The following C5orf24 variants were observed in gnomAD, a reference collection of about 807,000 sequenced individuals.
C5orf24 encodes the protein UPF0461 protein C5orf24.
C5orf24 carries 4 observed loss-of-function variants against 9.8 expected under a neutral mutation model. The observed-to-expected ratio is 0.41, with a 90% CI of 0.20 to 0.93. The LOEUF (loss-of-function observed/expected upper bound fraction) is 0.93. Among genes scored for constraint, C5orf24 ranks in the 40% least tolerant of loss-of-function variants. The pLI is 0.33. For synonymous variants in C5orf24, 73 were observed against 81.3 expected (o/e 0.90, Z 0.55); for missense variants, 170 against 236.9 (o/e 0.72, Z 1.85).
At chr5:134,837,752 C>A in the C5orf24 span, among the ~76,000 whole-genome samples, 70 of 151,498 alleles carry the variant, frequency 4.6e-4, no homozygotes, top group African/African-American at 1.6e-3. Context: ...CTTGGACTTT[C>A]CAGCTTCCAG....
chr5:134,836,716 A>G, the C5orf24 span, among the ~76,000 whole-genome samples: 1 of 147,996 alleles, frequency 6.8e-6, no homozygotes, highest in Non-Finnish European at 1.5e-5. Context: ...GCTTATTTTT[A>G]TATTTTTAGT....
In C5orf24 at chr5:134,858,663, T is replaced by C. The variant is rs921625633; in HGVS notation, c.*3196T>C. ...AAAAAGTACTTTAACATGCCTTATTTATTATATTAGCAAATGAGCTAATAA... is the reference window on the plus strand; with the variant it reads ...AAAAAGTACTTTAACATGCCTTATTCATTATATTAGCAAATGAGCTAATAA... On this transcript the variant is annotated 3_prime_UTR_variant, in exon 2 of 2. Coordinates refer to ENST00000394976, the MANE Select transcript of C5orf24 (RefSeq NM_001135586.1). 3.0e-5 allele frequency: 5 copies of C among 167,036 alleles called. No individual in the cohort carries two copies. Among genetic ancestry groups the C allele is most frequent in the African/African-American group, 1.2e-4 (5 of 41,466 alleles). 10.3% of individuals were successfully genotyped at this position (167,036 alleles called of 1,614,324 possible). A position where few individuals can be genotyped will look rare whatever the true frequency, so the allele number is the denominator to read the frequency against.
chr5:134,856,912 G>T lies in C5orf24; in HGVS notation c.*1445G>T, dbSNP rs1756329622. 1 of 1,001,342 alleles carries T rather than the reference G, an allele frequency of 1.0e-6. No homozygotes were observed. The allele number at this position is 1,001,342 out of a possible 1,614,324, so 62.0% of individuals were successfully genotyped here. ...TATGCATGAAACATGTAAAAAATAT[G>T]TTGGTTAGTTTAATTAAAAATCTTA... is the stretch of plus-strand genomic sequence containing the variant. On this transcript the variant is annotated 3_prime_UTR_variant, in exon 2 of 2. Transcript: ENST00000394976.
At chr5:134,853,666 A>T (rs1756228851) in intron 1 of C5orf24, among the ~76,000 whole-genome samples, 1 of 151,322 alleles carries the variant, frequency 6.6e-6, no homozygotes, top group South Asian at 2.1e-4. Flanking sequence ...GCCTGGCTGG[A>T]CTGTTCTTTA....
chr5:134,857,335 T>C lies in C5orf24; in HGVS notation c.*1868T>C, dbSNP rs1343950400. The C allele has an allele frequency of 6.5e-7, 1 of 1,544,534 alleles. No homozygotes were observed. Among genetic ancestry groups the C allele is most frequent in the Non-Finnish European group, 8.7e-7 (1 of 1,143,042 alleles). On this transcript the variant is annotated 3_prime_UTR_variant, in exon 2 of 2. Transcript: ENST00000394976. ...AAACTCTGATTGCAAATGGATGTCA[T>C]GTTTCATACCTTTTTTATCAGGAAA...
At chr5:134,847,005 T>G (rs893632621) in intron 1 of C5orf24, 2 of 152,214 alleles carry the variant, frequency 1.3e-5, no homozygotes, top group Non-Finnish European at 2.9e-5. Context: ...GAAAGGAAGC[T>G]TTCTCCATGT....
At chr5:134,836,773 A>T in the C5orf24 span, among the ~76,000 whole-genome samples, 255 of 148,762 alleles carry the variant, frequency 1.7e-3, 1 homozygote, top group African/African-American at 6.1e-3. Flanking sequence ...CGAACTCCTG[A>T]CCTCGTGATC....
rs552235496 is a variant in C5orf24, at chr5:134,858,456, A to T, written c.*2989A>T. 2 of 166,984 alleles carry T rather than the reference A, an allele frequency of 1.2e-5. No homozygotes were observed. Among genetic ancestry groups the T allele is most frequent in the African/African-American group, 4.8e-5 (2 of 41,478 alleles). The allele number at this position is 166,984 out of a possible 1,614,324, so 10.3% of individuals were successfully genotyped here. On this transcript the variant is annotated 3_prime_UTR_variant, in exon 2 of 2. Coordinates refer to ENST00000394976, the MANE Select transcript of C5orf24 (RefSeq NM_001135586.1). Reference sequence around the variant, plus strand: ...GTTAAACAGTTGCCTATACTTTAATATAATCAGTTGGGGAAAACTGGCCTT... The same window carrying T: ...GTTAAACAGTTGCCTATACTTTAATTTAATCAGTTGGGGAAAACTGGCCTT...
the C5orf24 span, among the ~76,000 whole-genome samples, chr5:134,835,067 G>A: frequency 7.3e-5 from 11 of 151,568 alleles, no homozygotes; most frequent in African/African-American, 1.9e-4. Flanking sequence ...ATTAGCCGGC[G>A]TGGTGGTGTG....
At position 134,855,722 on chromosome 5, in the gene C5orf24, T is replaced by C; in HGVS notation, c.*255T>C. ...AATCATTTTTCCTTTTCCTTTAGAG[T>C]TATGGTCATGTCTCATGTTTCATTA... On this transcript the variant is annotated 3_prime_UTR_variant, in exon 2 of 2. Coordinates refer to ENST00000394976, the MANE Select transcript of C5orf24 (RefSeq NM_001135586.1). 2.9e-6 allele frequency: 4 copies of C among 1,358,810 alleles called. No individual in the cohort carries two copies. The highest frequency in any genetic ancestry group is 2.9e-4 in the Middle Eastern group (1 of 3,498). 84.2% of individuals were successfully genotyped at this position (1,358,810 alleles called of 1,614,324 possible). A position where few individuals can be genotyped will look rare whatever the true frequency, so the allele number is the denominator to read the frequency against.
the C5orf24 span, among the ~76,000 whole-genome samples, chr5:134,839,751 G>A: frequency 4.7e-5 from 7 of 149,266 alleles, no homozygotes; most frequent in South Asian, 2.1e-4. Flanking sequence ...GTGCAATGGC[G>A]CAGTCTCAGC....
At chr5:134,842,392 A>C (rs1755907476), upstream of C5orf24, among the ~76,000 whole-genome samples, 1 of 151,866 alleles carries the variant, frequency 6.6e-6, no homozygotes, top group African/African-American at 2.4e-5. Flanking sequence ...CAGGAGGCTG[A>C]GGCAGGAGAA....
intron 1 of C5orf24, among the ~76,000 whole-genome samples, chr5:134,849,548 A>G (rs1756097203): frequency 6.6e-6 from 1 of 151,070 alleles, no homozygotes; most frequent in South Asian, 2.1e-4. Flanking sequence ...TTGTTTATTA[A>G]TTATTAAGTA....
At position 134,857,697 on chromosome 5, in the gene C5orf24, T is replaced by C; in HGVS notation, c.*2230T>C. The C allele has an allele frequency of 3.6e-6, 1 of 274,848 alleles. No individual in the cohort carries two copies. Among genetic ancestry groups the C allele is most frequent in the Non-Finnish European group, 7.1e-6 (1 of 140,188 alleles). The allele number at this position is 274,848 out of a possible 1,614,324, so 17.0% of individuals were successfully genotyped here. On this transcript the variant is annotated 3_prime_UTR_variant, in exon 2 of 2. Transcript: ENST00000394976. ...ATTCATATGTTCGTTACCTACTCTG[T>C]ACATGTATCTGTCATTTAGCTGTTT...
At chr5:134,850,937 T>TATATACACACACAC (rs762710710) in intron 1 of C5orf24, among the ~76,000 whole-genome samples, 27 of 146,990 alleles carry the variant, frequency 1.8e-4, no homozygotes, top group African/African-American at 6.0e-4. Flanking sequence ...TATATATATA[T>TATATACACACACAC]ACACACACAC....
At chr5:134,839,276 AAATTCC>A in the C5orf24 span, among the ~76,000 whole-genome samples, 1 of 152,088 alleles carries the variant, frequency 6.6e-6, no homozygotes, top group Admixed American at 6.6e-5. Flanking sequence ...ACTTAACACC[AAATTCC>A]AATGATATGT....
rs1261161789 is a variant in C5orf24, at chr5:134,858,087, A to G, written c.*2620A>G. On this transcript the variant is annotated 3_prime_UTR_variant, in exon 2 of 2. Coordinates refer to ENST00000394976, the MANE Select transcript of C5orf24 (RefSeq NM_001135586.1). ...GAGATCAACTAAAGGAGGCATGTTC[A>G]TAACAGTGTTTATTATCAGCAGCTA... 6.0e-6 allele frequency: 1 copy of G among 167,110 alleles called. No homozygotes were observed. Among genetic ancestry groups the G allele is most frequent in the Admixed American group, 6.5e-5 (1 of 15,286 alleles). 10.4% of individuals were successfully genotyped at this position (167,110 alleles called of 1,614,324 possible). A position where few individuals can be genotyped will look rare whatever the true frequency, so the allele number is the denominator to read the frequency against.
chr5:134,859,596 A>T lies in C5orf24; in HGVS notation c.*4129A>T. 6.0e-6 allele frequency: 1 copy of T among 167,038 alleles called. No individual in the cohort carries two copies. Among genetic ancestry groups the T allele is most frequent in the East Asian group, 1.9e-4 (1 of 5,206 alleles). The allele number at this position is 167,038 out of a possible 1,614,324, so 10.3% of individuals were successfully genotyped here. A position where few individuals can be genotyped will look rare whatever the true frequency, so the allele number is the denominator to read the frequency against. On this transcript the variant is annotated 3_prime_UTR_variant, in exon 2 of 2. Transcript: ENST00000394976. ...CCTCTGCTGTAAAAAGTCTGAATAGATACTGTGTATGTTTTTATGTCCATG... is the reference window on the plus strand; with the variant it reads ...CCTCTGCTGTAAAAAGTCTGAATAGTTACTGTGTATGTTTTTATGTCCATG...
chr5:134,853,528 CTTTT>C (rs773207000), intron 1 of C5orf24, among the ~76,000 whole-genome samples: 2 of 104,244 alleles, frequency 1.9e-5, no homozygotes, highest in African/African-American at 3.5e-5. Context: ...TCTTCTTCTT[CTTTT>C]TTTTTTTTTT....
Sources: allele counts gnomAD v4.1 joint callset (sites outside exome capture counted in the v4.1 genomes callset), GRCh38; gene constraint gnomAD v4.1.1; transcripts MANE v1.5; gene names NCBI Gene and HGNC (gene_info 2026-07-23, HGNC 2026-07-21).